Variants in EIF4G3 observed in about 807,000 individuals in gnomAD.
EIF4G3 encodes the protein eukaryotic translation initiation factor 4 gamma 3.
EIF4G3 carries 34 observed loss-of-function variants against 186.4 expected under a neutral mutation model. The ratio of observed to expected loss-of-function variants is 0.18; its 90% confidence interval spans 0.14 to 0.24. The LOEUF is 0.24. EIF4G3 is among the 10% of genes least tolerant of loss of function. The pLI is 1.00. For synonymous variants in EIF4G3, 673 were observed against 679.5 expected, an observed-to-expected ratio of 0.99 and a Z score of 0.15; for missense variants, 1,536 against 1,948.5, an observed-to-expected ratio of 0.79 and a Z score of 3.99.
At chr1:21,007,518 A>AAAAAAAAAAAC in intron 4 of EIF4G3, among the ~76,000 whole-genome samples, 1 of 131,736 alleles carries the variant, frequency 7.6e-6, no homozygotes. Context: ...CCCTCCTTAA[A>AAAAAAAAAAAC]AAAAAAAAAA....
chr1:21,148,445 G>A (rs2097490980), intron 2 of EIF4G3, among the ~76,000 whole-genome samples: 1 of 151,966 alleles, frequency 6.6e-6, no homozygotes, highest in South Asian at 2.1e-4. Context: ...GCTCACACCT[G>A]TCATCCCAGC....
chr1:21,025,976 C>T (rs893854216), intron 4 of EIF4G3, among the ~76,000 whole-genome samples: 13 of 152,076 alleles, frequency 8.5e-5, no homozygotes, highest in Non-Finnish European at 2.9e-5. Context: ...CAATACAACC[C>T]AAAGTGACTT....
chr1:20,808,624 T>A (rs954993474), intron 36 of EIF4G3, among the ~76,000 whole-genome samples: 10 of 152,022 alleles, frequency 6.6e-5, no homozygotes, highest in Non-Finnish European at 1.0e-4. Flanking sequence ...GAGCTTGCAG[T>A]GAGCTGAGAT....
chr1:20,905,708 T>C (rs2091875630), intron 14 of EIF4G3, among the ~76,000 whole-genome samples: 1 of 152,216 alleles, frequency 6.6e-6, no homozygotes, highest in Admixed American at 6.5e-5. Context: ...TGAAAGACAT[T>C]TTAACCATCA....
chr1:21,038,401 T>C (rs1003569466), intron 4 of EIF4G3, among the ~76,000 whole-genome samples: 6 of 152,216 alleles, frequency 3.9e-5, no homozygotes, highest in African/African-American at 1.4e-4. Flanking sequence ...CCTACTTCAA[T>C]GGCTGCTATT....
At position 20,942,323 on chromosome 1, in the gene EIF4G3, C is replaced by T; in HGVS notation, c.831G>A (p.Lys277=). ...TAASDQKQEE[K]PKPDPVLKSP... The stretch of plus-strand genomic sequence containing the variant: ...ACTTTAACACTGGATCTGGTTTTGG[C>T]TTCTCCTCTGGGGAAAAAAAAATAA... The change falls in exon 14 of 37, where the codon AAG becomes AAA. Residue 277 remains lysine (K), a synonymous_variant. Coordinates refer to ENST00000602326, the MANE Select transcript of EIF4G3 (RefSeq NM_001391906.1). 1 of 1,567,830 alleles carries T rather than the reference C, an allele frequency of 6.4e-7. No individual in the cohort carries two copies. The highest frequency in any genetic ancestry group is 8.6e-7 in the Non-Finnish European group (1 of 1,162,044).
chr1:21,103,016 A>G (rs937878300), intron 2 of EIF4G3, among the ~76,000 whole-genome samples: 2 of 152,194 alleles, frequency 1.3e-5, no homozygotes, highest in East Asian at 1.9e-4. Flanking sequence ...CAAAGTTACT[A>G]TAAGGGGGAA....
rs576926157 is a variant in EIF4G3, at chr1:20,952,681, T to A, written c.715-2570A>T. ...CTGGCCAACATGATGAAACCCCGTC[T>A]CTACCAAAAATACAAAAATTAGCCA... On this transcript the variant is annotated intron_variant, in intron 12 of 36. Coordinates refer to ENST00000602326, the MANE Select transcript of EIF4G3 (RefSeq NM_001391906.1). Among the ~76,000 whole-genome samples, 5 of 152,218 alleles carry A rather than the reference T, an allele frequency of 3.3e-5. No individual in the cohort carries two copies. The South Asian group carries it at 1.0e-3, about 32-fold the overall frequency.
chr1:20,950,211 G>T, intron 12 of EIF4G3, 100 bp from the exon 13 acceptor site: 3 of 719,886 alleles, frequency 4.2e-6, no homozygotes, highest in South Asian at 2.7e-5. Flanking sequence ...GAGCACAGGA[G>T]ATCACAAAAT....
intron 18 of EIF4G3, among the ~76,000 whole-genome samples, chr1:20,892,403 C>T (rs924304548): frequency 1.3e-5 from 2 of 152,184 alleles, no homozygotes; most frequent in African/African-American, 4.8e-5. Context: ...CAGTGCAGTG[C>T]CCCAGCATAA....
At chr1:20,879,571 G>T in intron 19 of EIF4G3, 51 bp from the exon 20 acceptor site, 1 of 1,128,806 alleles carries the variant, frequency 8.9e-7, no homozygotes. Context: ...GTGACAATAT[G>T]GTGCTTTCTG....
chr1:20,810,673 C>T lies in EIF4G3; in HGVS notation c.4744+65G>A. ...CCTTTGTTCGAACCCTAAATCATCT[C>T]TAAGTCCTGGCTTGGATAAATCTCA... On this transcript the variant is annotated intron_variant, in intron 36 of 36. Transcript: ENST00000602326. The surrounding 1 kb of genome is among the most constrained non-coding windows in gnomAD (Gnocchi z 4.1). 6.4e-7 allele frequency: 1 copy of T among 1,553,002 alleles called. No individual in the cohort carries two copies.
At chr1:21,085,695 C>A (rs902960184) in intron 3 of EIF4G3, among the ~76,000 whole-genome samples, 21 of 152,012 alleles carry the variant, frequency 1.4e-4, no homozygotes, top group Non-Finnish European at 2.2e-4. Context: ...GCACAATCAG[C>A]CAAAGGTTAT....
At chr1:20,904,470 C>G (rs941205459) in intron 15 of EIF4G3, among the ~76,000 whole-genome samples, 1 of 152,118 alleles carries the variant, frequency 6.6e-6, no homozygotes, top group African/African-American at 2.4e-5. Context: ...CTGAGCCTCC[C>G]GAGTAGCTGG....
intron 2 of EIF4G3, among the ~76,000 whole-genome samples, chr1:21,157,464 T>TG (rs1186697191): frequency 6.6e-6 from 1 of 151,746 alleles, no homozygotes; most frequent in African/African-American, 2.4e-5. Flanking sequence ...TTCAACCTCC[T>TG]GGGCTAGAGT....
intron 2 of EIF4G3, among the ~76,000 whole-genome samples, chr1:21,140,261 C>A: frequency 6.6e-6 from 1 of 152,114 alleles, no homozygotes; most frequent in African/African-American, 2.4e-5. Flanking sequence ...AGAATAGGAA[C>A]AATAAAATGT....
At chr1:20,992,789 A>G (rs2081401574) in intron 7 of EIF4G3, among the ~76,000 whole-genome samples, 1 of 152,188 alleles carries the variant, frequency 6.6e-6, no homozygotes, top group Non-Finnish European at 1.5e-5. Flanking sequence ...CTCTATTGTG[A>G]AACCCCAAAG....
At chr1:20,835,317 G>A (rs1255897222) in intron 30 of EIF4G3, among the ~76,000 whole-genome samples, 1 of 151,846 alleles carries the variant, frequency 6.6e-6, no homozygotes, top group Admixed American at 6.6e-5. Context: ...TACACATCAA[G>A]GAACTAGAAA....
Position 20,972,995 on chromosome 1 carries a change from C to T in EIF4G3, c.591+7G>A. 6.3e-7 allele frequency: 1 copy of T among 1,585,630 alleles called. No homozygotes were observed. The highest frequency in any genetic ancestry group is 8.5e-7 in the Non-Finnish European group (1 of 1,169,762). ...TAAAATAAGAAAAAGTAATAAAAATCTCTTACAGTTTTTTTCTCTCTCTTG... is the reference window on the plus strand; with the variant it reads ...TAAAATAAGAAAAAGTAATAAAAATTTCTTACAGTTTTTTTCTCTCTCTTG... On this transcript the variant is annotated splice_region_variant and intron_variant, in intron 11 of 36. Transcript: ENST00000602326.
Sources: allele counts gnomAD v4.1 joint callset (sites outside exome capture counted in the v4.1 genomes callset), GRCh38; gene constraint gnomAD v4.1.1; non-coding constraint Gnocchi (gnomAD v3.1); transcripts MANE v1.5; gene names NCBI Gene and HGNC (gene_info 2026-07-23, HGNC 2026-07-21).